The following MAST4 variants were observed in gnomAD, a reference collection of about 807,000 sequenced individuals.
MAST4 encodes the protein microtubule associated serine/threonine kinase family member 4.
Under a neutral mutation model 162.7 loss-of-function variants are expected in MAST4, and 89 were observed. That is an observed-to-expected ratio of 0.55 (90% CI 0.46 to 0.65). The LOEUF is 0.65. Among genes scored for constraint, MAST4 ranks in the 30% least tolerant of loss-of-function variants. The probability of loss-of-function intolerance (pLI) is 0.00; values close to 1 mark genes in which losing one functional copy is unlikely to be tolerated. For synonymous variants in MAST4, 1,479 were observed against 1,361.1 expected, an observed-to-expected ratio of 1.09 and a Z score of -1.91; for missense variants, 3,153 against 3,374.0, an observed-to-expected ratio of 0.93 and a Z score of 1.62.
At chr5:66,750,798 C>T (rs1346163673) in intron 1 of MAST4, among the ~76,000 whole-genome samples, 1 of 152,240 alleles carries the variant, frequency 6.6e-6, no homozygotes, top group Non-Finnish European at 1.5e-5. Context: ...CCCACCACAG[C>T]TCAAGGAGGC....
At chr5:66,841,201 T>A (rs1005625666) in intron 3 of MAST4, among the ~76,000 whole-genome samples, 1 of 152,194 alleles carries the variant, frequency 6.6e-6, no homozygotes, top group Non-Finnish European at 1.5e-5. Context: ...TTGTGGCTGC[T>A]GTTACTGTTG....
At chr5:67,059,309 T>C (rs573057018) in intron 5 of MAST4, among the ~76,000 whole-genome samples, 17 of 152,308 alleles carry the variant, frequency 1.1e-4, no homozygotes, top group African/African-American at 4.1e-4. Context: ...GCTCACTTGG[T>C]TGAGTGAGGC....
At chr5:66,884,050 G>A (rs1761884161) in intron 3 of MAST4, among the ~76,000 whole-genome samples, 2 of 152,272 alleles carry the variant, frequency 1.3e-5, no homozygotes, top group African/African-American at 2.4e-5. Flanking sequence ...ATATGGTGTG[G>A]CAATAACTTA....
At chr5:66,782,942 A>T (rs192422690) in intron 2 of MAST4, among the ~76,000 whole-genome samples, 165 of 152,350 alleles carry the variant, frequency 1.1e-3, no homozygotes, top group African/African-American at 3.8e-3. Context: ...ATAAAGTTTG[A>T]TGTAATCACT....
intron 1 of MAST4, among the ~76,000 whole-genome samples, chr5:66,673,809 G>C (rs530712992): frequency 6.6e-6 from 1 of 152,084 alleles, no homozygotes; most frequent in Non-Finnish European, 1.5e-5. Context: ...TTTTTTGAAA[G>C]ATCTCTAGAT....
At chr5:66,905,194 C>T (rs1763267559) in intron 4 of MAST4, among the ~76,000 whole-genome samples, 1 of 150,686 alleles carries the variant, frequency 6.6e-6, no homozygotes. Context: ...GTAATTCCAG[C>T]TACTCTGGAG....
At chr5:66,796,027 T>C (rs796336816) in intron 3 of MAST4, among the ~76,000 whole-genome samples, 22 of 152,310 alleles carry the variant, frequency 1.4e-4, no homozygotes, top group African/African-American at 5.1e-4. Context: ...GAAATAGCAG[T>C]AGGGAGCCCT....
At chr5:66,805,553 T>A (rs1756144405) in intron 3 of MAST4, among the ~76,000 whole-genome samples, 1 of 152,244 alleles carries the variant, frequency 6.6e-6, no homozygotes, top group Non-Finnish European at 1.5e-5. Context: ...AATATTGAAC[T>A]GCAGCTACTT....
At chr5:66,701,669 G>A (rs1314820620) in intron 1 of MAST4, among the ~76,000 whole-genome samples, 6 of 152,140 alleles carry the variant, frequency 3.9e-5, no homozygotes, top group Admixed American at 2.6e-4. Flanking sequence ...ATAAATCATG[G>A]AAAAAGTCGT....
At chr5:66,885,692 A>G (rs1272793795) in intron 3 of MAST4, among the ~76,000 whole-genome samples, 1 of 152,230 alleles carries the variant, frequency 6.6e-6, no homozygotes, top group Non-Finnish European at 1.5e-5. Flanking sequence ...GAGAGTATCA[A>G]TAATAAATTT....
At chr5:66,841,935 C>G (rs1222847164) in intron 3 of MAST4, among the ~76,000 whole-genome samples, 1 of 152,128 alleles carries the variant, frequency 6.6e-6, no homozygotes, top group African/African-American at 2.4e-5. Context: ...AGGCCTTGTA[C>G]TTTTGACTTA....
intron 4 of MAST4, among the ~76,000 whole-genome samples, chr5:66,919,307 C>T (rs1248786177): frequency 2.6e-5 from 4 of 151,876 alleles, no homozygotes; most frequent in Non-Finnish European, 4.4e-5. Flanking sequence ...AAACTGAAAC[C>T]TTCCATATGA....
intron 2 of MAST4, among the ~76,000 whole-genome samples, chr5:66,764,107 A>C (rs547024163): frequency 1.4e-4 from 21 of 152,306 alleles, no homozygotes; most frequent in African/African-American, 4.8e-4. Context: ...CAAACATCTC[A>C]ATGGTAGACA....
At chr5:67,078,936 A>AT (rs1250833180) in intron 5 of MAST4, among the ~76,000 whole-genome samples, 1 of 101,356 alleles carries the variant, frequency 9.9e-6, no homozygotes, top group African/African-American at 4.4e-5. Context: ...ATATATATAT[A>AT]TATATATATA....
intron 19 of MAST4, among the ~76,000 whole-genome samples, chr5:67,137,039 T>C (rs1325524561): frequency 2.6e-5 from 4 of 152,210 alleles, no homozygotes; most frequent in Non-Finnish European, 4.4e-5. Context: ...TATTTGGAAC[T>C]CTTTTTGTTT....
intron 5 of MAST4, among the ~76,000 whole-genome samples, chr5:67,055,009 G>T (rs932648686): frequency 1.5e-4 from 22 of 145,382 alleles, no homozygotes; most frequent in South Asian, 4.4e-4. Flanking sequence ...TTATATGCTG[G>T]TTTTTTTTTT....
In MAST4 at chr5:66,710,225, A is replaced by G. The variant is rs139527390; in HGVS notation, c.364-49484A>G. Among the ~76,000 whole-genome samples the G allele has an allele frequency of 6.8e-4, 104 of 152,368 alleles. 1 individual carries two copies. The East Asian group carries it at 0.019, about 28-fold the overall frequency. ...GAGATTCATCCTGATCTGATTTGCC[A>G]GAGGAAGCAAGCAATATTTGGTTTT... On this transcript the variant is annotated intron_variant, in intron 1 of 28. Transcript: ENST00000403625.
intron 1 of MAST4, among the ~76,000 whole-genome samples, chr5:66,699,739 AAC>A (rs952256287): frequency 6.6e-6 from 1 of 151,050 alleles, no homozygotes; most frequent in African/African-American, 2.4e-5. Flanking sequence ...GGAGGGGAAC[AAC>A]ACACACCAGG....
chr5:67,082,441 G>A (rs1198416157), intron 5 of MAST4, among the ~76,000 whole-genome samples: 5 of 152,122 alleles, frequency 3.3e-5, no homozygotes, highest in African/African-American at 1.2e-4. Context: ...CCTACCTGCA[G>A]TCTTTAAAAG....
Sources: gnomAD v4.1 joint callset for allele counts (sites outside exome capture counted in the v4.1 genomes callset) on GRCh38, gnomAD v4.1.1 for gene constraint, MANE v1.5 for transcripts, NCBI Gene and HGNC (gene_info 2026-07-23, HGNC 2026-07-21) for gene names.